RIPK1: variants seen among roughly 807,000 people sequenced by gnomAD.
The protein encoded by RIPK1 is receptor interacting serine/threonine kinase 1, also known as receptor-interacting serine/threonine-protein kinase 1.
RIPK1 carries 27 observed loss-of-function variants against 62.4 expected under a neutral mutation model. The ratio of observed to expected loss-of-function variants is 0.43; its 90% CI spans 0.32 to 0.60. The LOEUF (loss-of-function observed/expected upper bound fraction) is 0.60. Ranked by LOEUF, RIPK1 falls within the 20% of genes least tolerant of loss-of-function variation. RIPK1 has a pLI of 0.07. For missense variants in RIPK1, 735 were observed against 831.0 expected, an observed-to-expected ratio of 0.88 and a Z score of 1.42; for synonymous variants, 287 against 303.2, an observed-to-expected ratio of 0.95 and a Z score of 0.55.
intron 4 of RIPK1, 101 bp downstream of exon 4, chr6:3,081,217 T>A (rs1371740775): frequency 3.0e-6 from 4 of 1,329,896 alleles, no homozygotes; most frequent in Non-Finnish European, 4.2e-6. Flanking sequence ...AAGGAAGACC[T>A]AGCTCAGCTT....
At chr6:3,110,202 C>T (rs914033611) in intron 9 of RIPK1, among the ~76,000 whole-genome samples, 13 of 129,280 alleles carry the variant, frequency 1.0e-4, no homozygotes, top group Non-Finnish European at 1.4e-4. Flanking sequence ...TGAAGAATCA[C>T]GATTTTTTTT....
intron 2 of RIPK1, 140 bp from the exon 3 acceptor site, chr6:3,077,639 G>C: frequency 1.2e-6 from 1 of 830,002 alleles, no homozygotes; most frequent in Non-Finnish European, 1.8e-6. Flanking sequence ...GCCTTCTAAC[G>C]CTTCTGGCCT....
In RIPK1 at chr6:3,072,390, C is replaced by CATAT. The variant is rs34461556; in HGVS notation, c.-61+3741_-61+3744dup. Among the ~76,000 whole-genome samples the CATAT allele has an allele frequency of 0.08, 12,018 of 150,986 alleles. 1,177 individuals carry two copies. The highest frequency in any genetic ancestry group is 0.24 in the African/African-American group (9,703 of 41,020). ...CTGTACTTATATCTTTATCTATTTA[C>CATAT]ATATATATATATATAAAACACACAC... On this transcript the variant is annotated intron_variant, in intron 1 of 10. Coordinates refer to ENST00000259808, the MANE Select transcript of RIPK1 (RefSeq NM_001354930.2). This position sits in a 1 kb window ranked among gnomAD's most constrained non-coding sequence, Gnocchi z 5.6.
chr6:3,102,956 C>G (rs895450627), intron 7 of RIPK1, among the ~76,000 whole-genome samples: 4 of 152,102 alleles, frequency 2.6e-5, no homozygotes, highest in African/African-American at 9.7e-5. Context: ...ATTTTATATT[C>G]CCCACCAGCA....
chr6:3,109,806 C>T (rs945907846), intron 9 of RIPK1, among the ~76,000 whole-genome samples: 3 of 152,200 alleles, frequency 2.0e-5, no homozygotes, highest in African/African-American at 7.2e-5. Flanking sequence ...CCCCTCCCAG[C>T]CCCGGACAAC....
intron 10 of RIPK1, among the ~76,000 whole-genome samples, chr6:3,112,164 A>C (rs1047193181): frequency 7.2e-6 from 1 of 139,348 alleles, no homozygotes. Context: ...AGGAGGGGTT[A>C]GGGTCCAAAA....
chr6:3,078,139 C>A (rs1759191413), intron 3 of RIPK1, among the ~76,000 whole-genome samples: 1 of 152,124 alleles, frequency 6.6e-6, no homozygotes, highest in Non-Finnish European at 1.5e-5. Flanking sequence ...CTCAAGTGAT[C>A]CTCCCACCTC....
intron 1 of RIPK1, among the ~76,000 whole-genome samples, chr6:3,075,330 T>C (rs1261686271): frequency 6.6e-6 from 1 of 152,178 alleles, no homozygotes; most frequent in Non-Finnish European, 1.5e-5. Flanking sequence ...AATGAATGAA[T>C]GGAAGAAAAG....
chr6:3,112,745 C>T (rs1428174075), intron 10 of RIPK1, among the ~76,000 whole-genome samples: 1 of 152,032 alleles, frequency 6.6e-6, no homozygotes, highest in Admixed American at 6.6e-5. Flanking sequence ...GCTGTGTTGC[C>T]CAGGACTGGT....
chr6:3,107,387 T>C (rs1198033828), intron 9 of RIPK1, among the ~76,000 whole-genome samples: 1 of 140,658 alleles, frequency 7.1e-6, no homozygotes, highest in Non-Finnish European at 1.5e-5. Context: ...AAACCCCGTC[T>C]CTACTAAAAA....
intron 1 of RIPK1, among the ~76,000 whole-genome samples, chr6:3,073,111 C>T (rs1251455422): frequency 2.0e-5 from 3 of 151,892 alleles, no homozygotes; most frequent in South Asian, 2.1e-4. Context: ...TACATATGTA[C>T]ATATATACGC....
chr6:3,090,474 A>G (rs1168066277), intron 7 of RIPK1, among the ~76,000 whole-genome samples: 1 of 152,204 alleles, frequency 6.6e-6, no homozygotes, highest in Non-Finnish European at 1.5e-5. Flanking sequence ...TCAAACAATC[A>G]GGAATATTTC....
At chr6:3,087,572 T>C (rs1052790672) in intron 6 of RIPK1, among the ~76,000 whole-genome samples, 1 of 152,046 alleles carries the variant, frequency 6.6e-6, no homozygotes, top group Middle Eastern at 3.4e-3. Context: ...TTTTTTTTTT[T>C]TGACACGGAC....
chr6:3,089,355 G>A (rs1759893276), intron 6 of RIPK1, among the ~76,000 whole-genome samples: 1 of 152,164 alleles, frequency 6.6e-6, no homozygotes, highest in African/African-American at 2.4e-5. Flanking sequence ...AGCACAAAGA[G>A]CACAGGCTAT....
intron 7 of RIPK1, among the ~76,000 whole-genome samples, chr6:3,101,216 G>T (rs575091673): frequency 4.6e-5 from 7 of 152,270 alleles, no homozygotes; most frequent in Non-Finnish European, 7.4e-5. Flanking sequence ...GGTTGAGCCT[G>T]CACTCTAGCC....
rs141375436 is a variant in RIPK1, at chr6:3,097,750, T to G, written c.916-6475T>G. On this transcript the variant is annotated intron_variant, in intron 7 of 10. Coordinates refer to ENST00000259808, the MANE Select transcript of RIPK1 (RefSeq NM_001354930.2). ...TGATAAATTTTAAAATTTATAAAAT[T>G]TTAAATGAATGTTTAAAACGAATTT... Among the ~76,000 whole-genome samples, 229 of 152,278 alleles carry G rather than the reference T, an allele frequency of 1.5e-3. 3 individuals are homozygous for G. In the East Asian group the frequency reaches 0.031, roughly 21 times the overall value.
chr6:3,066,720 C>T (rs1361706539), upstream of RIPK1, among the ~76,000 whole-genome samples: 1 of 152,108 alleles, frequency 6.6e-6, no homozygotes, highest in Non-Finnish European at 1.5e-5. Flanking sequence ...TTCATGGTTA[C>T]AAAAATGAAC....
chr6:3,082,498 CT>C (rs1323103510), intron 4 of RIPK1, among the ~76,000 whole-genome samples: 1 of 152,140 alleles, frequency 6.6e-6, no homozygotes, highest in East Asian at 1.9e-4. Context: ...ATTTTTCTCT[CT>C]GCTTTTTTGT....
intron 7 of RIPK1, among the ~76,000 whole-genome samples, chr6:3,096,023 G>A (rs959684006): frequency 6.6e-6 from 1 of 152,070 alleles, no homozygotes; most frequent in African/African-American, 2.4e-5. Context: ...TTTTTGTAGA[G>A]ACAGGATTTT....
Sources: allele counts gnomAD v4.1 joint callset (sites outside exome capture counted in the v4.1 genomes callset), GRCh38; gene constraint gnomAD v4.1.1; non-coding constraint Gnocchi (gnomAD v3.1); transcripts MANE v1.5; gene names NCBI Gene and HGNC (gene_info 2026-07-23, HGNC 2026-07-21).